Variants in CACNA2D3 observed in about 807,000 individuals in gnomAD.
The protein encoded by CACNA2D3 is calcium voltage-gated channel auxiliary subunit alpha2delta 3, also known as voltage-dependent calcium channel subunit alpha-2/delta-3.
In CACNA2D3, 60 loss-of-function variants were observed where a neutral mutation model predicts 160.6. The ratio of observed to expected loss-of-function variants is 0.37; its 90% CI spans 0.30 to 0.46. The LOEUF is 0.46. Among genes scored for constraint, CACNA2D3 ranks in the 20% least tolerant of loss-of-function variants. CACNA2D3 has a pLI of 1.00. For missense variants in CACNA2D3, 1,205 were observed against 1,365.0 expected (o/e 0.88, Z 1.85); for synonymous variants, 558 against 492.9 (o/e 1.13, Z -1.75).
chr3:54,853,094 C>T (rs1290432302), intron 17 of CACNA2D3, among the ~76,000 whole-genome samples: 1 of 152,194 alleles, frequency 6.6e-6, no homozygotes, highest in Non-Finnish European at 1.5e-5. Flanking sequence ...CCCAGGTACA[C>T]CTTTTACTGG....
chr3:54,403,356 A>C (rs1412684253), intron 4 of CACNA2D3, among the ~76,000 whole-genome samples: 63 of 137,698 alleles, frequency 4.6e-4, no homozygotes, highest in African/African-American at 1.7e-3. Flanking sequence ...CCCTATCTCA[A>C]ACACACACAC....
At chr3:54,460,672 T>G (rs1700486282) in intron 4 of CACNA2D3, among the ~76,000 whole-genome samples, 1 of 152,222 alleles carries the variant, frequency 6.6e-6, no homozygotes, top group Admixed American at 6.5e-5. Flanking sequence ...AAGGAGATTT[T>G]GGGCTGAGGC....
intron 27 of CACNA2D3, among the ~76,000 whole-genome samples, chr3:54,903,965 T>C (rs1307657436): frequency 6.6e-6 from 1 of 152,224 alleles, no homozygotes; most frequent in African/African-American, 2.4e-5. Context: ...TAGACTTTTA[T>C]CAGATGCTTA....
intron 2 of CACNA2D3, among the ~76,000 whole-genome samples, chr3:54,296,924 G>A (rs558841918): frequency 6.6e-6 from 1 of 152,150 alleles, no homozygotes; most frequent in African/African-American, 2.4e-5. Context: ...CTTGTGTCTG[G>A]GATGAACTCA....
intron 14 of CACNA2D3, among the ~76,000 whole-genome samples, chr3:54,822,799 C>CTTTCTTTCTTTCTTTCTTTCTTTCTTTCT (rs1703657549): frequency 1.9e-5 from 1 of 53,218 alleles, no homozygotes; most frequent in East Asian, 5.0e-4. Context: ...TCCTTTCTTT[C>CTTTCTTTCTTTCTTTCTTTCTTTCTTTCT]TTTCTTTCTT....
At chr3:54,714,535 C>T (rs950509019) in intron 11 of CACNA2D3, among the ~76,000 whole-genome samples, 11 of 152,212 alleles carry the variant, frequency 7.2e-5, no homozygotes, top group African/African-American at 1.7e-4. Context: ...GAGCAATGGC[C>T]GTGCTTGGAA....
intron 35 of CACNA2D3, among the ~76,000 whole-genome samples, chr3:55,026,250 T>A (rs1703561602): frequency 6.6e-6 from 1 of 152,156 alleles, no homozygotes; most frequent in African/African-American, 2.4e-5. Context: ...GAGGGCTGAT[T>A]TATTAATGAT....
chr3:54,632,736 G>GGT (rs1364878803), intron 10 of CACNA2D3: 5 of 152,082 alleles, frequency 3.3e-5, no homozygotes, highest in African/African-American at 1.2e-4. Flanking sequence ...TGAGGTCAGG[G>GGT]GTTCAGTCTT....
At chr3:54,143,644 C>A (rs959317630) in intron 2 of CACNA2D3, among the ~76,000 whole-genome samples, 1 of 152,094 alleles carries the variant, frequency 6.6e-6, no homozygotes, top group Non-Finnish European at 1.5e-5. Flanking sequence ...GGACTACAGG[C>A]GCCCGCCAGC....
intron 5 of CACNA2D3, among the ~76,000 whole-genome samples, chr3:54,545,433 T>G (rs939250274): frequency 6.3e-4 from 96 of 152,328 alleles, no homozygotes; most frequent in African/African-American, 2.1e-3. Context: ...ATGGCTTGCT[T>G]GGTTTTATTT....
chr3:54,458,356 G>A (rs946141120), intron 4 of CACNA2D3, among the ~76,000 whole-genome samples: 1 of 151,928 alleles, frequency 6.6e-6, no homozygotes, highest in African/African-American at 2.4e-5. Flanking sequence ...GATTGATCTA[G>A]TGATGATGAA....
intron 2 of CACNA2D3, among the ~76,000 whole-genome samples, chr3:54,212,716 A>G (rs1701397663): frequency 1.3e-5 from 2 of 151,986 alleles, no homozygotes; most frequent in South Asian, 4.2e-4. Context: ...GAGGGGAGGG[A>G]TCCATTTAGA....
chr3:54,190,219 AGTAAGGAAT>A (rs1700955141), intron 2 of CACNA2D3, among the ~76,000 whole-genome samples: 1 of 152,176 alleles, frequency 6.6e-6, no homozygotes, highest in East Asian at 1.9e-4. Context: ...TCACTTTGGG[AGTAAGGAAT>A]TTGACATGAA....
At chr3:54,794,406 A>C (rs902710098) in intron 13 of CACNA2D3, among the ~76,000 whole-genome samples, 12 of 152,220 alleles carry the variant, frequency 7.9e-5, no homozygotes, top group African/African-American at 2.4e-4. Context: ...CTCACAATAC[A>C]TTGTTTTTAT....
At chr3:54,486,738 G>T (rs1056801119) in intron 4 of CACNA2D3, among the ~76,000 whole-genome samples, 1 of 152,148 alleles carries the variant, frequency 6.6e-6, no homozygotes, top group Non-Finnish European at 1.5e-5. Flanking sequence ...AGCATACCCA[G>T]CATTCCCTGG....
Position 54,735,992 on chromosome 3 carries a change from TAC to T in CACNA2D3, c.1168-16605_1168-16604del, listed in dbSNP as rs1363784247. Among the ~76,000 whole-genome samples, 599 of 98,682 alleles carry T rather than the reference TAC, an allele frequency of 6.1e-3. 3 individuals carry two copies. Among genetic ancestry groups the T allele is most frequent in the Non-Finnish European group, 9.0e-3 (439 of 48,908 alleles). The allele number at this position is 98,682 out of a possible 152,430, so 64.7% of individuals were successfully genotyped here. A position where few individuals can be genotyped will look rare whatever the true frequency, so the allele number is the denominator to read the frequency against. Reference sequence around the variant, plus strand: ...ATTTTTCCATGCATGTATATATATATACATATATATATATGTATATATATACA... The same window carrying T: ...ATTTTTCCATGCATGTATATATATATATATATATATATGTATATATATACA... On this transcript the variant is annotated intron_variant, in intron 11 of 37. Transcript: ENST00000474759.
At chr3:54,577,043 A>G (rs1702596419) in intron 8 of CACNA2D3, among the ~76,000 whole-genome samples, 3 of 152,118 alleles carry the variant, frequency 2.0e-5, no homozygotes, top group Admixed American at 2.0e-4. Context: ...CGCGTTTCAA[A>G]AACAAACAAA....
At chr3:54,942,078 A>T (rs956860240) in intron 27 of CACNA2D3, among the ~76,000 whole-genome samples, 1 of 152,218 alleles carries the variant, frequency 6.6e-6, no homozygotes, top group Non-Finnish European at 1.5e-5. Flanking sequence ...AACTTCAAAT[A>T]GGGTTTACCA....
intron 27 of CACNA2D3, among the ~76,000 whole-genome samples, chr3:54,946,332 A>C (rs1300672587): frequency 2.6e-5 from 4 of 152,062 alleles, no homozygotes; most frequent in Admixed American, 2.6e-4. Context: ...AGACCACCAC[A>C]ATGGTTATTG....
Sources: allele counts gnomAD v4.1 joint callset (sites outside exome capture counted in the v4.1 genomes callset), GRCh38; gene constraint gnomAD v4.1.1; transcripts MANE v1.5; gene names NCBI Gene and HGNC (gene_info 2026-07-23, HGNC 2026-07-21).